SELENOF: variants seen among roughly 807,000 people sequenced by gnomAD.
SELENOF encodes the protein selenoprotein F, also known as 15 kDa selenoprotein.
In SELENOF, 16 loss-of-function variants were observed where a neutral mutation model predicts 20.5. The ratio of observed to expected loss-of-function variants is 0.78; its 90% confidence interval spans 0.53 to 1.19. The LOEUF (loss-of-function observed/expected upper bound fraction) is 1.19, where lower values mean the gene tolerates loss of function less well. SELENOF is among the 50% of genes most tolerant of loss of function. The probability of loss-of-function intolerance (pLI) is 0.00; values close to 1 mark genes in which losing one functional copy is unlikely to be tolerated. For missense variants in SELENOF, 215 were observed against 194.2 expected (o/e 1.11, Z -0.64); for synonymous variants, 78 against 74.5 (o/e 1.05, Z -0.24).
Position 86,866,228 on chromosome 1 carries a change from C to CTGTGTG in SELENOF, c.366+1824_366+1825insCACACA, listed in dbSNP as rs1382340517. On this transcript the variant is annotated intron_variant, in intron 4 of 4. Transcript: ENST00000331835. ...AAAAAAAAAAAAAAAAAGTGTGTGT[C>CTGTGTG]TCTGTGTGTGTGTGTGTGTGTGTGT... is the stretch of plus-strand genomic sequence containing the variant. Among the ~76,000 whole-genome samples the CTGTGTG allele has an allele frequency of 5.2e-3, 271 of 52,380 alleles. 1 individual carries two copies. Among genetic ancestry groups the CTGTGTG allele is most frequent in the African/African-American group, 0.024 (260 of 11,040 alleles). 34.4% of individuals were successfully genotyped at this position (52,380 alleles called of 152,430 possible).
At chr1:86,901,474 G>A (rs1490728328) in intron 2 of SELENOF, among the ~76,000 whole-genome samples, 1 of 150,880 alleles carries the variant, frequency 6.6e-6, no homozygotes, top group Non-Finnish European at 1.5e-5. Context: ...GCTAGTCAAT[G>A]CTAATAAAAA....
intron 2 of SELENOF, among the ~76,000 whole-genome samples, chr1:86,893,519 G>A (rs1242182314): frequency 1.4e-5 from 2 of 144,262 alleles, no homozygotes; most frequent in African/African-American, 5.4e-5. Context: ...TCAGGAGGCT[G>A]AGGCTGGGGA....
At chr1:86,898,935 T>TC (rs1208882357) in intron 2 of SELENOF, among the ~76,000 whole-genome samples, 1 of 151,754 alleles carries the variant, frequency 6.6e-6, no homozygotes. Flanking sequence ...CCTGAGGCCT[T>TC]CCGCAGTGTT....
At chr1:86,903,200 C>T in intron 2 of SELENOF, 81 bp downstream of exon 2, 1 of 1,279,896 alleles carries the variant, frequency 7.8e-7, no homozygotes, top group Non-Finnish European at 1.1e-6. Flanking sequence ...CTTTTTTACA[C>T]TTAAATTGAT....
In SELENOF at chr1:86,862,540, A is replaced by C. The variant is rs1360535008; in HGVS notation, c.*934T>G. Reference sequence around the variant, plus strand: ...TGAAAATGTGTTCATAAATGAAAAAACTTTGAAAAATAAAATCAGACAAAT... The same window carrying C: ...TGAAAATGTGTTCATAAATGAAAAACCTTTGAAAAATAAAATCAGACAAAT... On this transcript the variant is annotated 3_prime_UTR_variant, in exon 5 of 5. Transcript: ENST00000331835. 1 of 152,148 alleles carries C rather than the reference A, an allele frequency of 6.6e-6. No individual in the cohort carries two copies. The highest frequency in any genetic ancestry group is 1.5e-5 in the Non-Finnish European group (1 of 68,018). 9.4% of individuals were successfully genotyped at this position (152,148 alleles called of 1,614,324 possible). A position where few individuals can be genotyped will look rare whatever the true frequency, so the allele number is the denominator to read the frequency against.
At chr1:86,893,528 G>T (rs514343) in intron 2 of SELENOF, among the ~76,000 whole-genome samples, 1 of 144,332 alleles carries the variant, frequency 6.9e-6, no homozygotes, top group African/African-American at 2.7e-5. Context: ...TGAGGCTGGG[G>T]AATTGCTTGA....
intron 3 of SELENOF, among the ~76,000 whole-genome samples, chr1:86,879,068 G>T (rs367681376): frequency 1.3e-5 from 2 of 152,060 alleles, no homozygotes; most frequent in Admixed American, 1.3e-4. Flanking sequence ...AATAAAATCT[G>T]ATATCATAAC....
chr1:86,913,561 A>T (rs763199117), intron 1 of SELENOF, among the ~76,000 whole-genome samples: 1 of 152,220 alleles, frequency 6.6e-6, no homozygotes, highest in Non-Finnish European at 1.5e-5. Flanking sequence ...ACGGAAGTTA[A>T]GAGACTAACA....
intron 3 of SELENOF, among the ~76,000 whole-genome samples, chr1:86,869,557 A>G (rs1658700185): frequency 6.6e-6 from 1 of 152,200 alleles, no homozygotes; most frequent in Admixed American, 6.5e-5. Flanking sequence ...TTATTTTAAT[A>G]GAGGCCTATA....
chr1:86,878,538 T>A (rs1244093917), intron 3 of SELENOF, among the ~76,000 whole-genome samples: 1 of 152,148 alleles, frequency 6.6e-6, no homozygotes, highest in Non-Finnish European at 1.5e-5. Flanking sequence ...ATAAATTAGC[T>A]GGGTGTGGTG....
chr1:86,885,646 A>T (rs1316799417), intron 2 of SELENOF, among the ~76,000 whole-genome samples: 1 of 152,188 alleles, frequency 6.6e-6, no homozygotes, highest in Admixed American at 6.5e-5. Context: ...AAGAAACATG[A>T]CCTTAAGAAA....
At chr1:86,908,686 T>TG (rs1246889755) in intron 1 of SELENOF, among the ~76,000 whole-genome samples, 1 of 152,004 alleles carries the variant, frequency 6.6e-6, no homozygotes, top group African/African-American at 2.4e-5. Context: ...AGAAATGGAG[T>TG]GGGGGGCATC....
chr1:86,913,673 G>T, intron 1 of SELENOF: 1 of 223,746 alleles, frequency 4.5e-6, no homozygotes, highest in Non-Finnish European at 9.2e-6. Context: ...TGGAAGTCTC[G>T]TCATGAGTCT....
chr1:86,883,021 G>A (rs1659116712), intron 2 of SELENOF, among the ~76,000 whole-genome samples: 1 of 151,876 alleles, frequency 6.6e-6, no homozygotes. Flanking sequence ...AGCTGCTTGG[G>A]AGGCAGAGGC....
In SELENOF at chr1:86,881,631, AAAC is replaced by A. The variant is rs3835438; in HGVS notation, c.253-909_253-907del. On this transcript the variant is annotated intron_variant, in intron 2 of 4. Transcript: ENST00000331835. ...TCTAAAACAGCATTTACTTAATTAA[AAAC>A]AACAACAACAACAACAACACATGCC... is the stretch of plus-strand genomic sequence containing the variant. Among the ~76,000 whole-genome samples, 218 of 152,190 alleles carry A rather than the reference AAAC, an allele frequency of 1.4e-3. 1 individual carries two copies. The East Asian group carries it at 0.024, about 17-fold the overall frequency.
At chr1:86,869,935 T>C (rs113355387) in intron 3 of SELENOF, among the ~76,000 whole-genome samples, 1 of 152,116 alleles carries the variant, frequency 6.6e-6, no homozygotes, top group African/African-American at 2.4e-5. Context: ...CCACCACACC[T>C]GGCTAATTTT....
chr1:86,866,437 G>A (rs1658597751), intron 4 of SELENOF, among the ~76,000 whole-genome samples: 1 of 151,722 alleles, frequency 6.6e-6, no homozygotes, highest in Admixed American at 6.6e-5. Flanking sequence ...AGTTGTCACG[G>A]GCTGGCAGGA....
Position 86,895,676 on chromosome 1 carries a change from TAA to T in SELENOF, c.252+7603_252+7604del, listed in dbSNP as rs1166454748. ...TTTGTTTTTAATCAAAACTGAACAA[TAA>T]ATTAGGCTGAAATAATTTGTTTATT... is the stretch of plus-strand genomic sequence containing the variant. On this transcript the variant is annotated intron_variant, in intron 2 of 4. Transcript: ENST00000331835. Among the ~76,000 whole-genome samples the T allele has an allele frequency of 3.9e-5, 6 of 152,282 alleles. No individual in the cohort carries two copies. In the East Asian group the frequency reaches 1.2e-3, roughly 29 times the overall value.
intron 2 of SELENOF, among the ~76,000 whole-genome samples, chr1:86,896,700 A>G (rs1659535469): frequency 6.6e-6 from 1 of 152,228 alleles, no homozygotes; most frequent in South Asian, 2.1e-4. Context: ...CCTTGTAAGT[A>G]AAATGTAGAA....
Sources: allele counts gnomAD v4.1 joint callset (sites outside exome capture counted in the v4.1 genomes callset), GRCh38; gene constraint gnomAD v4.1.1; transcripts MANE v1.5; gene names NCBI Gene and HGNC (gene_info 2026-07-23, HGNC 2026-07-21).